Variants in SOX6 observed in about 807,000 individuals in gnomAD.
SOX6 encodes the protein SRY-box transcription factor 6.
In SOX6, 11 loss-of-function variants were observed where a neutral mutation model predicts 97.8. That is an observed-to-expected ratio of 0.11 (90% CI 0.07 to 0.19). SOX6 has a LOEUF of 0.19. SOX6 is among the 10% of genes least tolerant of loss of function. The pLI, the probability that SOX6 is intolerant of heterozygous loss-of-function variation, is 1.00. For synonymous variants in SOX6, 360 were observed against 371.4 expected (o/e 0.97, Z 0.35); for missense variants, 810 against 1,039.5 (o/e 0.78, Z 3.04).
At chr11:16,685,732 G>C (rs180959357) in intron 3 of SOX6, among the ~76,000 whole-genome samples, 17 of 152,356 alleles carry the variant, frequency 1.1e-4, no homozygotes, top group African/African-American at 4.1e-4. Context: ...CAGAATAGTG[G>C]CCTCACAGCT....
chr11:16,533,183 C>A (rs1053569344), intron 4 of SOX6, among the ~76,000 whole-genome samples: 2 of 151,762 alleles, frequency 1.3e-5, no homozygotes, highest in Admixed American at 6.6e-5. Context: ...GCAAAGAAAT[C>A]ATTAAAATGT....
chr11:16,606,464 G>A (rs930815903), intron 4 of SOX6, among the ~76,000 whole-genome samples: 2 of 152,126 alleles, frequency 1.3e-5, no homozygotes, highest in African/African-American at 4.8e-5. Context: ...TTCACAGAAC[G>A]AGGAGGGATG....
In SOX6 at chr11:16,588,703, T is replaced by C. The variant is rs1848120879; in HGVS notation, n.609+23378A>G. 2.6e-5 allele frequency among the ~76,000 whole-genome samples: 4 copies of C among 152,222 alleles called. No individual in the cohort carries two copies. In the South Asian group the frequency reaches 8.3e-4, roughly 32 times the overall value. On this transcript the variant is annotated intron_variant and non_coding_transcript_variant, in intron 4 of 5. Coordinates refer to the SOX6 transcript ENST00000524520. ...CTGCTTTGCCTTAAAGAATAAAAGA[T>C]GGGTTAAATCTGCTTCCTTTCTCAT...
upstream of SOX6, among the ~76,000 whole-genome samples, chr11:16,480,944 A>G (rs1860334096): frequency 1.3e-5 from 2 of 152,278 alleles, no homozygotes; most frequent in South Asian, 4.1e-4. Context: ...TCTTCAACGC[A>G]TTTATCTTCT....
chr11:16,234,019 A>G (rs1196965742), intron 4 of SOX6, among the ~76,000 whole-genome samples: 1 of 151,228 alleles, frequency 6.6e-6, no homozygotes, highest in Admixed American at 6.6e-5. Flanking sequence ...AAAAAAAAAA[A>G]AAGAAAAGAA....
chr11:16,636,150 A>C (rs1255291563), intron 3 of SOX6, among the ~76,000 whole-genome samples: 1 of 152,152 alleles, frequency 6.6e-6, no homozygotes, highest in Admixed American at 6.5e-5. Context: ...ACTCCTAGAA[A>C]ACCCACAGAC....
intron 4 of SOX6, among the ~76,000 whole-genome samples, chr11:16,500,441 G>C (rs1190691559): frequency 1.3e-5 from 2 of 152,190 alleles, no homozygotes; most frequent in African/African-American, 4.8e-5. Flanking sequence ...ATTCAACGTA[G>C]TGTTGGAAGT....
rs115828882 is a variant in SOX6, at chr11:16,376,958, C to T, written c.-4-35706G>A. 9.2e-3 allele frequency among the ~76,000 whole-genome samples: 1,386 copies of T among 151,124 alleles called. 22 individuals are homozygous for T. The highest frequency in any genetic ancestry group is 0.03 in the African/African-American group (1,251 of 41,218). On this transcript the variant is annotated intron_variant, in intron 1 of 15. Transcript: ENST00000396356. ...AAAAAGAAAATAAAAAAAAGAAAGACGGGAATATTAAGGAGTGCTATCTCA... is the reference window on the plus strand; with the variant it reads ...AAAAAGAAAATAAAAAAAAGAAAGATGGGAATATTAAGGAGTGCTATCTCA...
chr11:16,300,183 C>T lies in SOX6; in HGVS notation c.445+18263G>A, dbSNP rs1287661777. Among the ~76,000 whole-genome samples the T allele has an allele frequency of 6.6e-6, 1 of 151,968 alleles. No homozygotes were observed. The highest frequency in any genetic ancestry group is 2.4e-5 in the African/African-American group (1 of 41,358). ...CCCCAGTACTTGGGGTGTCTAATGG[C>T]CACAATACAAAGTTGTTCAAATTAT... On this transcript the variant is annotated intron_variant, in intron 3 of 15. Transcript: ENST00000683767. This position sits in a 1 kb window ranked among gnomAD's most constrained non-coding sequence, Gnocchi z 4.1.
chr11:16,358,643 C>G (rs1362066260), upstream of SOX6, among the ~76,000 whole-genome samples: 1 of 152,082 alleles, frequency 6.6e-6, no homozygotes, highest in Non-Finnish European at 1.5e-5. Flanking sequence ...AAGAAATTAG[C>G]AGGATTTTTC....
chr11:16,231,480 A>C (rs1049340190), intron 4 of SOX6, among the ~76,000 whole-genome samples: 2 of 151,736 alleles, frequency 1.3e-5, no homozygotes, highest in Non-Finnish European at 3.0e-5. Flanking sequence ...TAAATTAATA[A>C]TACTTGTTAT....
intron 3 of SOX6, among the ~76,000 whole-genome samples, chr11:16,672,180 C>A (rs1334163010): frequency 1.9e-4 from 29 of 152,166 alleles, no homozygotes; most frequent in Admixed American, 1.8e-3. Context: ...AATGTTACCA[C>A]CTAATACAAA....
intron 4 of SOX6, among the ~76,000 whole-genome samples, chr11:16,590,279 T>G (rs1231425706): frequency 6.6e-6 from 1 of 152,210 alleles, no homozygotes. Context: ...ATAGGCAAAG[T>G]GCTAATTTTT....
chr11:16,486,407 T>C (rs1333261650), intron 4 of SOX6, among the ~76,000 whole-genome samples: 1 of 152,198 alleles, frequency 6.6e-6, no homozygotes, highest in Non-Finnish European at 1.5e-5. Context: ...TAAGATCTTT[T>C]TTTTCTTATA....
chr11:16,417,530 A>G (rs1420211791), intron 1 of SOX6, among the ~76,000 whole-genome samples: 1 of 152,218 alleles, frequency 6.6e-6, no homozygotes, highest in Non-Finnish European at 1.5e-5. Flanking sequence ...CCATCTAAAA[A>G]TAGACAGAGA....
chr11:16,327,233 C>T (rs115251777), intron 2 of SOX6, among the ~76,000 whole-genome samples: 8 of 152,210 alleles, frequency 5.3e-5, no homozygotes, highest in African/African-American at 1.7e-4. Flanking sequence ...ATCTTCAAAT[C>T]GTTGCTATGA....
At chr11:16,107,407 A>ATG (rs1034458331) in intron 7 of SOX6, among the ~76,000 whole-genome samples, 18 of 144,450 alleles carry the variant, frequency 1.2e-4, no homozygotes, top group African/African-American at 4.5e-4. Context: ...ATATATATGT[A>ATG]TATATATATA....
At chr11:16,157,579 T>A (rs1850635715) in intron 6 of SOX6, among the ~76,000 whole-genome samples, 2 of 151,916 alleles carry the variant, frequency 1.3e-5, no homozygotes, top group Admixed American at 6.6e-5. Context: ...TTCTCCACAC[T>A]CTCATCAGAG....
chr11:16,169,969 A>C (rs1213400523), intron 6 of SOX6, among the ~76,000 whole-genome samples: 1 of 151,668 alleles, frequency 6.6e-6, no homozygotes, highest in African/African-American at 2.4e-5. Flanking sequence ...AACCTTGCTT[A>C]GGGAAAAAAT....
Sources: gnomAD v4.1 joint callset for allele counts (sites outside exome capture counted in the v4.1 genomes callset) on GRCh38, gnomAD v4.1.1 for gene constraint, Gnocchi (gnomAD v3.1) non-coding constraint, MANE v1.5 for transcripts, NCBI Gene and HGNC (gene_info 2026-07-23, HGNC 2026-07-21) for gene names.